The following EEPD1 variants were observed in gnomAD, a reference collection of about 807,000 sequenced individuals.
EEPD1 encodes the protein endonuclease/exonuclease/phosphatase family domain-containing protein 1.
A neutral mutation model predicts 46.3 loss-of-function variants in EEPD1; 17 were observed. The observed-to-expected ratio is 0.37, with a 90% confidence interval of 0.25 to 0.55. The LOEUF (loss-of-function observed/expected upper bound fraction) is 0.55, where lower values mean the gene tolerates loss of function less well. EEPD1 is among the 20% of genes least tolerant of loss of function. EEPD1 has a pLI of 0.83. For missense variants in EEPD1, 673 were observed against 745.6 expected, an observed-to-expected ratio of 0.90 and a Z score of 1.13; for synonymous variants, 313 against 315.6, an observed-to-expected ratio of 0.99 and a Z score of 0.09.
chr7:36,297,312 T>C, intron 7 of EEPD1, 125 bp downstream of exon 7: 1 of 1,060,276 alleles, frequency 9.4e-7, no homozygotes, highest in East Asian at 2.6e-5. Context: ...CGTGACTGTA[T>C]AACTGTCATT....
chr7:36,279,613 G>A (rs919767264), intron 3 of EEPD1, among the ~76,000 whole-genome samples: 2 of 152,254 alleles, frequency 1.3e-5, no homozygotes, highest in African/African-American at 4.8e-5. Flanking sequence ...GCTCTGCTGA[G>A]AGGGTGGCTG....
At chr7:36,222,943 G>A (rs1031781611) in intron 2 of EEPD1, among the ~76,000 whole-genome samples, 2 of 152,166 alleles carry the variant, frequency 1.3e-5, no homozygotes, top group African/African-American at 4.8e-5. Flanking sequence ...TTGAGGTCAG[G>A]AGTTCGAGAC....
chr7:36,196,221 G>A (rs1049371759), intron 2 of EEPD1, among the ~76,000 whole-genome samples: 1 of 152,190 alleles, frequency 6.6e-6, no homozygotes, highest in Non-Finnish European at 1.5e-5. Context: ...AGTGAGTGGC[G>A]AGTGAATGTG....
At chr7:36,209,510 T>C (rs575814832) in intron 2 of EEPD1, among the ~76,000 whole-genome samples, 15 of 152,248 alleles carry the variant, frequency 9.9e-5, no homozygotes, top group Middle Eastern at 3.4e-3. Flanking sequence ...TGATGTGCCC[T>C]CCTCTGCTGA....
rs1430543741 is a variant in EEPD1 at position 36,193,957 on chromosome 7, G to A, written c.878+38755G>A. Among the ~76,000 whole-genome samples, 1 of 152,172 alleles carries A rather than the reference G, an allele frequency of 6.6e-6. No individual in the cohort carries two copies. The highest frequency in any genetic ancestry group is 1.5e-5 in the Non-Finnish European group (1 of 68,024). The stretch of plus-strand genomic sequence containing the variant: ...TCTTATCCCCATTTGCATCCTCAGA[G>A]CCCTGCAGGTCCCCACCAGTCCCAG... On this transcript the variant is annotated intron_variant, in intron 2 of 7. Coordinates refer to ENST00000242108, the MANE Select transcript of EEPD1 (RefSeq NM_030636.3). The surrounding 1 kb of genome is among the most constrained non-coding windows in gnomAD (Gnocchi z 4.9).
intron 2 of EEPD1, among the ~76,000 whole-genome samples, chr7:36,223,580 A>T (rs1786184162): frequency 6.6e-6 from 1 of 152,190 alleles, no homozygotes; most frequent in East Asian, 1.9e-4. Context: ...GATGCGTAGT[A>T]AATATTTGTT....
chr7:36,197,499 A>G (rs1785626705), intron 2 of EEPD1, among the ~76,000 whole-genome samples: 1 of 152,220 alleles, frequency 6.6e-6, no homozygotes, highest in Admixed American at 6.5e-5. Context: ...AAAGATTGAG[A>G]AATTGGATGG....
rs1042350357 is a variant in EEPD1 at position 36,225,817 on chromosome 7, A to G, written c.879-13168A>G. On this transcript the variant is annotated intron_variant, in intron 2 of 7. Coordinates refer to ENST00000242108, the MANE Select transcript of EEPD1 (RefSeq NM_030636.3). The surrounding 1 kb of genome is among the most constrained non-coding windows in gnomAD (Gnocchi z 4.2). ...AAATTTGGGGGTTATGTAGCAACCC[A>G]AACAATTTTATGCTCAGCTGAGTTG... Among the ~76,000 whole-genome samples, 5 of 152,228 alleles carry G rather than the reference A, an allele frequency of 3.3e-5. No homozygotes were observed. Among genetic ancestry groups the G allele is most frequent in the African/African-American group, 1.2e-4 (5 of 41,454 alleles).
chr7:36,265,094 C>T (rs1040727023), intron 3 of EEPD1, among the ~76,000 whole-genome samples: 14 of 152,130 alleles, frequency 9.2e-5, no homozygotes, highest in South Asian at 2.1e-4. Flanking sequence ...AGAGCAGAGC[C>T]GGCTGCATAA....
At position 36,154,902 on chromosome 7, in the gene EEPD1, A is replaced by T; in HGVS notation, c.578A>T (p.His193Leu). ...INAAFLDRIRHQVFAERSRPP... is the reference protein window; with the variant it reads ...INAAFLDRIRLQVFAERSRPP... ...GCCGCCTTCCTGGACAGGATCCGGC[A>T]CCAGGTGTTTGCTGAGAGGTCCAGG... is the stretch of plus-strand genomic sequence containing the variant. The change falls in exon 2 of 8, where the codon CAC (histidine) becomes CTC (leucine). Residue 193 changes from histidine to leucine, a missense_variant. Coordinates refer to ENST00000242108, the MANE Select transcript of EEPD1 (RefSeq NM_030636.3). The surrounding 1 kb of genome is among the most constrained non-coding windows in gnomAD (Gnocchi z 4.2). The T allele has an allele frequency of 1.2e-6, 2 of 1,614,106 alleles. No individual in the cohort carries two copies. Among genetic ancestry groups the T allele is most frequent in the Non-Finnish European group, 1.7e-6 (2 of 1,180,026 alleles).
In EEPD1 at chr7:36,154,187, G is replaced by GT. The variant is rs1159577288; in HGVS notation, c.-137dup. On this transcript the variant is annotated 5_prime_UTR_variant, in exon 2 of 8. An upstream open reading frame in the 5' UTR gains an earlier in-frame stop. Transcript: ENST00000242108. This position sits in a 1 kb window ranked among gnomAD's most constrained non-coding sequence, Gnocchi z 4.2. ...GCCAGGCATGGAAGATTCGGTGTTT[G>GT]TCTATAGTAACCTCTTCAGTCCCTG... 2 of 1,089,628 alleles carry GT rather than the reference G, an allele frequency of 1.8e-6. No homozygotes were observed. Among genetic ancestry groups the GT allele is most frequent in the Admixed American group, 2.9e-5 (1 of 34,514 alleles). The allele number at this position is 1,089,628 out of a possible 1,614,324, so 67.5% of individuals were successfully genotyped here.
chr7:36,287,772 T>C lies in EEPD1; in HGVS notation c.1310T>C (p.Leu437Pro). 6.2e-7 allele frequency: 1 copy of C among 1,613,692 alleles called. No homozygotes were observed. The highest frequency in any genetic ancestry group is 8.5e-7 in the Non-Finnish European group (1 of 1,179,744). The change falls in exon 6 of 8, where the codon CTG becomes CCG. Residue 437 changes from leucine (L) to proline (P), a missense_variant. By Grantham distance (98) the Leu-to-Pro change is moderately conservative. Transcript: ENST00000242108. ...ASFAQTLQETLKGEKDVIILG... is the reference protein window; with the variant it reads ...ASFAQTLQETPKGEKDVIILG... ...TTTGCACAGACCCTACAGGAAACCC[T>C]GAAAGGTAGGACATTGTCTTTTGCT... is the stretch of plus-strand genomic sequence containing the variant.
chr7:36,159,584 G>A lies in EEPD1; in HGVS notation c.878+4382G>A, dbSNP rs905719287. Among the ~76,000 whole-genome samples, 10 of 152,204 alleles carry A rather than the reference G, an allele frequency of 6.6e-5. No individual in the cohort carries two copies. The East Asian group carries it at 1.2e-3, about 18-fold the overall frequency. ...GCGGAGGGATTAGGCCAGATTAGGC[G>A]TGTCTTTTCCCAAACTCCATGCCCT... On this transcript the variant is annotated intron_variant, in intron 2 of 7. Transcript: ENST00000242108.
chr7:36,247,811 C>T (rs1786663575), intron 3 of EEPD1, among the ~76,000 whole-genome samples: 1 of 152,186 alleles, frequency 6.6e-6, no homozygotes, highest in Non-Finnish European at 1.5e-5. Context: ...TCCGCATTTC[C>T]CAGGAGTGGG....
At chr7:36,198,588 C>T (rs902539115) in intron 2 of EEPD1, among the ~76,000 whole-genome samples, 99 of 152,120 alleles carry the variant, frequency 6.5e-4, no homozygotes, top group African/African-American at 2.2e-3. Flanking sequence ...GTGAGCAGGG[C>T]GCTCTTTGGG....
At chr7:36,279,615 G>A (rs2115867390) in intron 3 of EEPD1, among the ~76,000 whole-genome samples, 1 of 152,348 alleles carries the variant, frequency 6.6e-6, no homozygotes, top group Admixed American at 6.5e-5. Flanking sequence ...TCTGCTGAGA[G>A]GGTGGCTGCT....
chr7:36,208,409 A>T (rs182214556), intron 2 of EEPD1, among the ~76,000 whole-genome samples: 2 of 152,362 alleles, frequency 1.3e-5, no homozygotes, highest in African/African-American at 4.8e-5. Flanking sequence ...AGAATTAAGC[A>T]TGTGTACCTC....
chr7:36,162,498 C>T (rs1784915059), intron 2 of EEPD1, among the ~76,000 whole-genome samples: 1 of 151,978 alleles, frequency 6.6e-6, no homozygotes, highest in African/African-American at 2.4e-5. Context: ...ACAAAAATTA[C>T]CCAAGGTTGG....
intron 3 of EEPD1, among the ~76,000 whole-genome samples, chr7:36,258,309 A>G (rs1786859155): frequency 6.6e-6 from 1 of 152,154 alleles, no homozygotes; most frequent in Non-Finnish European, 1.5e-5. Context: ...AGGGTCAGGG[A>G]CCCACTTGAG....
Sources: gnomAD v4.1 joint callset for allele counts (sites outside exome capture counted in the v4.1 genomes callset) on GRCh38, gnomAD v4.1.1 for gene constraint, Gnocchi (gnomAD v3.1) non-coding constraint, MANE v1.5 for transcripts, NCBI Gene and HGNC (gene_info 2026-07-23, HGNC 2026-07-21) for gene names.